Variants in CTBP2 observed in about 807,000 individuals in gnomAD.
CTBP2 encodes C-terminal binding protein 2.
A neutral mutation model predicts 80.3 loss-of-function variants in CTBP2; 30 were observed. The ratio of observed to expected loss-of-function variants is 0.37; its 90% CI spans 0.28 to 0.51. The LOEUF (loss-of-function observed/expected upper bound fraction) is 0.51. CTBP2 is among the 20% of genes least tolerant of loss of function. The probability of loss-of-function intolerance (pLI) is 0.93; values close to 1 mark genes in which losing one functional copy is unlikely to be tolerated. For missense variants in CTBP2, 1,212 were observed against 1,375.3 expected, an observed-to-expected ratio of 0.88 and a Z score of 1.88; for synonymous variants, 594 against 587.4, an observed-to-expected ratio of 1.01 and a Z score of -0.16.
chr10:125,029,653 C>CA (rs1311978824), upstream of CTBP2, among the ~76,000 whole-genome samples: 2 of 152,186 alleles, frequency 1.3e-5, no homozygotes, highest in African/African-American at 2.4e-5. Flanking sequence ...TATGCTACCC[C>CA]ACTCATGGTG....
intron 4 of CTBP2, among the ~76,000 whole-genome samples, chr10:124,995,175 A>G (rs1022689422): frequency 3.9e-4 from 60 of 152,332 alleles, no homozygotes; most frequent in African/African-American, 1.4e-3. Context: ...CATGAGCACA[A>G]TGGCTCCCTG....
intron 1 of CTBP2, among the ~76,000 whole-genome samples, chr10:125,154,228 G>A (rs1015278830): frequency 6.6e-6 from 1 of 152,028 alleles, no homozygotes; most frequent in African/African-American, 2.4e-5. Flanking sequence ...AGAACCCCAC[G>A]GATGAAAAGC....
At chr10:124,994,741 C>T (rs1430055317) in intron 4 of CTBP2, 58 bp from the exon 7 acceptor site, 8 of 1,542,672 alleles carry the variant, frequency 5.2e-6, no homozygotes, top group Non-Finnish European at 7.2e-6. Flanking sequence ...CCAGCGCTGC[C>T]ACCTCCATTG....
chr10:125,156,809 CTT>C (rs1554964721), intron 1 of CTBP2, among the ~76,000 whole-genome samples: 2 of 152,152 alleles, frequency 1.3e-5, no homozygotes, highest in Non-Finnish European at 2.9e-5. Context: ...ATTTTCCAGA[CTT>C]AAAAAGTAAA....
upstream of CTBP2, among the ~76,000 whole-genome samples, chr10:125,030,355 G>C (rs1027524225): frequency 6.6e-6 from 1 of 152,182 alleles, no homozygotes; most frequent in African/African-American, 2.4e-5. Flanking sequence ...GTCGGGGAGA[G>C]AGGCGATGTC....
chr10:125,005,526 C>A (rs149175341), intron 1 of CTBP2: 38 of 1,595,976 alleles, frequency 2.4e-5, no homozygotes, highest in Non-Finnish European at 3.2e-5. Context: ...GGGACGAGGG[C>A]CAACACCCCC....
rs955332588 is a variant in CTBP2, at chr10:124,986,917, T to G, written c.*2601A>C. 9.8e-5 allele frequency: 15 copies of G among 152,358 alleles called. No individual in the cohort carries two copies. Among genetic ancestry groups the G allele is most frequent in the African/African-American group, 2.9e-4 (12 of 41,426 alleles). 9.4% of individuals were successfully genotyped at this position (152,358 alleles called of 1,614,324 possible). On this transcript the variant is annotated 3_prime_UTR_variant, in exon 9 of 9. Coordinates refer to ENST00000309035, the MANE Select transcript of CTBP2 (RefSeq NM_022802.3). Reference sequence around the variant, plus strand: ...CAGAGTACACGCTCAGCACTTAGCTTCTACTGTGTGTTGTGGTCTGGTGAG... The same window carrying G: ...CAGAGTACACGCTCAGCACTTAGCTGCTACTGTGTGTTGTGGTCTGGTGAG...
chr10:125,027,141 G>A lies in CTBP2; in HGVS notation c.619C>T (p.Leu207Phe). The change falls in exon 1 of 9, where the codon CTC (leucine) becomes TTC (phenylalanine). Residue 207 changes from leucine to phenylalanine, a missense_variant. Around this residue, in one of 3 missense-constraint regions of CTBP2, gnomAD observed 848 missense variants for 782.3 expected, o/e 1.08. Transcript: ENST00000309035. ...CTGATGTCGCTGAAGACCTGGCTGAGGGGGTAGGCAGGCACCTCCGCCCCA... is the reference window on the plus strand; with the variant it reads ...CTGATGTCGCTGAAGACCTGGCTGAAGGGGTAGGCAGGCACCTCCGCCCCA... The A allele has an allele frequency of 1.9e-6, 3 of 1,604,422 alleles. No homozygotes were observed. Among genetic ancestry groups the A allele is most frequent in the Non-Finnish European group, 2.6e-6 (3 of 1,173,290 alleles).
intron 2 of CTBP2, among the ~76,000 whole-genome samples, chr10:125,046,334 C>T (rs1000372677): frequency 6.6e-6 from 1 of 151,978 alleles, no homozygotes; most frequent in Admixed American, 6.6e-5. Flanking sequence ...GTCAGAAGTT[C>T]GAGACCAGCC....
intron 2 of CTBP2, among the ~76,000 whole-genome samples, chr10:125,097,567 T>G (rs1296979166): frequency 6.6e-6 from 1 of 152,150 alleles, no homozygotes; most frequent in Non-Finnish European, 1.5e-5. Context: ...TCTGTCCCGC[T>G]GCTACAGGCG....
At position 125,151,304 on chromosome 10, in the gene CTBP2, C is replaced by G. The variant is rs989250243; in HGVS notation, c.-206+9015G>C. 2.0e-5 allele frequency among the ~76,000 whole-genome samples: 3 copies of G among 152,174 alleles called. No homozygotes were observed. The East Asian group carries it at 5.8e-4, about 29-fold the overall frequency. On this transcript the variant is annotated intron_variant, in intron 1 of 10. Coordinates refer to the CTBP2 transcript ENST00000337195. ...ACCTCTAGTCACATGCCTCGCCAGG[C>G]TTCAGGTGTTGGGAGCCGCCGGGGT... is the stretch of plus-strand genomic sequence containing the variant.
chr10:125,009,045 G>A (rs1955570018), intron 1 of CTBP2, among the ~76,000 whole-genome samples: 1 of 152,184 alleles, frequency 6.6e-6, no homozygotes, highest in Non-Finnish European at 1.5e-5. Context: ...GAGAATGTGA[G>A]GTCCCTTTCC....
chr10:125,095,637 C>A (rs1191521958), intron 2 of CTBP2, among the ~76,000 whole-genome samples: 3 of 152,148 alleles, frequency 2.0e-5, no homozygotes, highest in African/African-American at 7.2e-5. Flanking sequence ...TTCTTCCCAC[C>A]AATACACCCC....
chr10:125,120,546 C>T (rs1854144761), intron 1 of CTBP2, among the ~76,000 whole-genome samples: 1 of 152,130 alleles, frequency 6.6e-6, no homozygotes, highest in African/African-American at 2.4e-5. Flanking sequence ...ACCACCACGC[C>T]CAGCTAATTT....
chr10:125,155,427 A>G (rs1460843973), intron 1 of CTBP2, among the ~76,000 whole-genome samples: 1 of 152,010 alleles, frequency 6.6e-6, no homozygotes, highest in African/African-American at 2.4e-5. Context: ...ACAATGTGCA[A>G]AGCCCTTCTT....
chr10:125,050,662 G>A (rs1962509747), intron 2 of CTBP2, among the ~76,000 whole-genome samples: 1 of 152,218 alleles, frequency 6.6e-6, no homozygotes, highest in South Asian at 2.1e-4. Flanking sequence ...GTTATGGGGT[G>A]TCGCTGGGGT....
chr10:125,078,063 G>A (rs1196291417), intron 2 of CTBP2, among the ~76,000 whole-genome samples: 3 of 151,956 alleles, frequency 2.0e-5, no homozygotes, highest in Admixed American at 6.6e-5. Flanking sequence ...GGCAGATCAC[G>A]AGGTCAGGAG....
Position 125,098,742 on chromosome 10 carries a change from G to GAGAC in CTBP2, c.-102+12247_-102+12248insGTCT, listed in dbSNP as rs1564914562. 1.9e-3 allele frequency among the ~76,000 whole-genome samples: 201 copies of GAGAC among 106,710 alleles called. 2 individuals carry two copies. The highest frequency in any genetic ancestry group is 2.7e-3 in the Non-Finnish European group (146 of 53,964). 70.0% of individuals were successfully genotyped at this position (106,710 alleles called of 152,430 possible). On this transcript the variant is annotated intron_variant, in intron 2 of 10. Transcript: ENST00000337195. ...AGAGAGACAGAGAGAGAGAGAGAGA[G>GAGAC]AGAGAGACAGAGAGAGAGAGAGAGA...
At chr10:125,120,707 T>C (rs10794199) in intron 1 of CTBP2, among the ~76,000 whole-genome samples, 82,600 of 152,002 alleles carry the variant, frequency 0.54, 24,051 homozygotes, top group Middle Eastern at 0.67. Context: ...AGAAAGGGTC[T>C]CACTCTGTCT....
Sources: gnomAD v4.1 joint callset for allele counts (sites outside exome capture counted in the v4.1 genomes callset) on GRCh38, gnomAD v4.1.1 for gene constraint, gnomAD v4.1.1 regional missense constraint, MANE v1.5 for transcripts, NCBI Gene and HGNC (gene_info 2026-07-23, HGNC 2026-07-21) for gene names.